The following TMEM131L variants were observed in gnomAD, a reference collection of about 807,000 sequenced individuals.
TMEM131L encodes transmembrane 131 like.
Under a neutral mutation model 192.2 loss-of-function variants are expected in TMEM131L, and 54 were observed. That is an observed-to-expected ratio of 0.28 (90% CI 0.23 to 0.35). The LOEUF (loss-of-function observed/expected upper bound fraction) is 0.35, where lower values mean the gene tolerates loss of function less well. TMEM131L is among the 10% of genes least tolerant of loss of function. The probability of loss-of-function intolerance (pLI) is 1.00; values close to 1 mark genes in which losing one functional copy is unlikely to be tolerated. For missense variants in TMEM131L, 1,888 were observed against 1,972.9 expected, an observed-to-expected ratio of 0.96 and a Z score of 0.82; for synonymous variants, 701 against 704.9, an observed-to-expected ratio of 0.99 and a Z score of 0.09.
chr4:153,510,179 A>G (rs550005581), intron 3 of TMEM131L, among the ~76,000 whole-genome samples: 8 of 152,140 alleles, frequency 5.3e-5, no homozygotes, highest in South Asian at 4.2e-4. Context: ...ATGCTTCCCT[A>G]TCATCTCCAT....
intron 3 of TMEM131L, among the ~76,000 whole-genome samples, chr4:153,512,735 T>C (rs1734442355): frequency 6.6e-6 from 1 of 152,258 alleles, no homozygotes; most frequent in African/African-American, 2.4e-5. Context: ...TGCCTCAGTC[T>C]CCTGAGTAGC....
intron 3 of TMEM131L, among the ~76,000 whole-genome samples, chr4:153,485,523 G>A (rs1732269088): frequency 6.6e-6 from 1 of 152,220 alleles, no homozygotes; most frequent in Non-Finnish European, 1.5e-5. Context: ...GGCCTGCCAA[G>A]TGAACCATGT....
At chr4:153,527,483 C>A (rs1039136785) in intron 3 of TMEM131L, among the ~76,000 whole-genome samples, 1 of 152,116 alleles carries the variant, frequency 6.6e-6, no homozygotes, top group Non-Finnish European at 1.5e-5. Context: ...CCATGTTGCT[C>A]AGGCTGGTCT....
Position 153,588,899 on chromosome 4 carries a change from A to C in TMEM131L, c.1562A>C (p.Asn521Thr). 1.9e-6 allele frequency: 3 copies of C among 1,562,790 alleles called. No homozygotes were observed. Among genetic ancestry groups the C allele is most frequent in the Non-Finnish European group, 2.6e-6 (3 of 1,133,720 alleles). ...CTGATCTAACTTTTAGGAAATCCTA[A>C]TTGGAATGGGAGCCTTTCTCTGGAT... ...FMGKSKAGNP[N>T]WNGSLSLDQS... Residue 521 changes from asparagine (N) to threonine (T), a missense_variant, in exon 16 of 35, where the codon AAT becomes ACT. Asn to Thr is a moderately conservative substitution (Grantham distance 65, BLOSUM62 0). Coordinates refer to ENST00000409959, the MANE Select transcript of TMEM131L (RefSeq NM_001131007.2).
At chr4:153,507,591 G>C (rs76482844) in intron 3 of TMEM131L, among the ~76,000 whole-genome samples, 1 of 152,144 alleles carries the variant, frequency 6.6e-6, no homozygotes, top group Non-Finnish European at 1.5e-5. Context: ...AAACAAAAAC[G>C]TAAGAACCTA....
chr4:153,556,750 A>G (rs1728485857), intron 5 of TMEM131L, among the ~76,000 whole-genome samples: 1 of 152,236 alleles, frequency 6.6e-6, no homozygotes, highest in African/African-American at 2.4e-5. Context: ...TCTGAAGCGA[A>G]AGGATTCATC....
intron 21 of TMEM131L, among the ~76,000 whole-genome samples, 165 bp downstream of exon 21, chr4:153,598,897 G>T (rs762204378): frequency 7.2e-5 from 11 of 152,120 alleles, no homozygotes; most frequent in Non-Finnish European, 1.2e-4. Context: ...GCAAACATTT[G>T]TGCATATATA....
chr4:153,549,959 A>G (rs1737480565), intron 3 of TMEM131L, 114 bp from the exon 4 acceptor site: 2 of 462,540 alleles, frequency 4.3e-6, no homozygotes, highest in African/African-American at 2.0e-5. Context: ...TTTAAAATCT[A>G]TGAGGGAGTA....
intron 3 of TMEM131L, among the ~76,000 whole-genome samples, chr4:153,507,608 C>G (rs769837183): frequency 6.6e-6 from 1 of 152,146 alleles, no homozygotes; most frequent in African/African-American, 2.4e-5. Flanking sequence ...CCTATCAAAC[C>G]GTATTACCCA....
At chr4:153,612,476 CAT>C in intron 26 of TMEM131L, 76 bp downstream of exon 26, 1 of 1,123,940 alleles carries the variant, frequency 8.9e-7, no homozygotes, top group Non-Finnish European at 1.2e-6. Flanking sequence ...ATGTGTATTT[CAT>C]ATGTTTCACT....
rs1206267225 is a variant in TMEM131L at position 153,582,423 on chromosome 4, TTTTTTTGTTG to T, written c.893-760_893-751del. Among the ~76,000 whole-genome samples, 1,238 of 130,554 alleles carry T rather than the reference TTTTTTTGTTG, an allele frequency of 9.5e-3. 215 individuals are homozygous for T. The highest frequency in any genetic ancestry group is 0.047 in the African/African-American group (1,172 of 24,890). The allele number at this position is 130,554 out of a possible 152,430, so 85.6% of individuals were successfully genotyped here. On this transcript the variant is annotated intron_variant, in intron 9 of 34. Transcript: ENST00000409959. Reference sequence around the variant, plus strand: ...CTATGCCTGGCTAATTTAAACCGTTTTTTTTTGTTGTTTTTTTTTTTTTTTTTTTTTTTTT... The same window carrying T: ...CTATGCCTGGCTAATTTAAACCGTTTTTTTTTTTTTTTTTTTTTTTTTTTT...
chr4:153,477,196 G>T (rs1731602932), intron 3 of TMEM131L, among the ~76,000 whole-genome samples: 1 of 152,182 alleles, frequency 6.6e-6, no homozygotes, highest in Non-Finnish European at 1.5e-5. Context: ...TGGAGAGATG[G>T]TGATGACTGT....
At chr4:153,537,334 A>G (rs1417454475) in intron 3 of TMEM131L, among the ~76,000 whole-genome samples, 1 of 152,170 alleles carries the variant, frequency 6.6e-6, no homozygotes, top group Non-Finnish European at 1.5e-5. Context: ...AGAGTTCTTG[A>G]ATCTCACACA....
rs779705832 is a variant in TMEM131L, at chr4:153,550,118, A to G, written c.285A>G (p.Pro95=). ...LFSGKGLHFQ[P]SVLDFGIQFL... ...GTGGAAAAGGCTTACATTTTCAGCC[A>G]TCAGTTTTAGATTTTGGAATACAGT... is the stretch of plus-strand genomic sequence containing the variant. Residue 95 remains proline, a synonymous_variant, in exon 4 of 35, where the codon CCA becomes CCG. Coordinates refer to ENST00000409959, the MANE Select transcript of TMEM131L (RefSeq NM_001131007.2). The G allele has an allele frequency of 1.1e-5, 17 of 1,483,566 alleles. No individual in the cohort carries two copies. Among genetic ancestry groups the G allele is most frequent in the Admixed American group, 4.4e-5 (2 of 45,604 alleles). The allele number at this position is 1,483,566 out of a possible 1,614,324, so 91.9% of individuals were successfully genotyped here. A position where few individuals can be genotyped will look rare whatever the true frequency, so the allele number is the denominator to read the frequency against.
intron 3 of TMEM131L, among the ~76,000 whole-genome samples, chr4:153,542,585 T>A (rs993597717): frequency 2.6e-5 from 4 of 152,172 alleles, no homozygotes; most frequent in Non-Finnish European, 4.4e-5. Flanking sequence ...CCACATAGGG[T>A]TCTTAGGATT....
intron 3 of TMEM131L, among the ~76,000 whole-genome samples, chr4:153,507,524 C>T (rs1476896942): frequency 6.6e-6 from 1 of 152,176 alleles, no homozygotes; most frequent in East Asian, 1.9e-4. Context: ...ATCGTGTTCA[C>T]ATTTGTATTA....
chr4:153,545,118 T>C (rs1466154396), intron 3 of TMEM131L, among the ~76,000 whole-genome samples: 2 of 152,176 alleles, frequency 1.3e-5, no homozygotes, highest in Non-Finnish European at 2.9e-5. Flanking sequence ...ATAAGAAATC[T>C]GGGCATCTAC....
At chr4:153,594,070 A>C (rs1731259400) in intron 19 of TMEM131L, among the ~76,000 whole-genome samples, 199 bp downstream of exon 19, 1 of 152,214 alleles carries the variant, frequency 6.6e-6, no homozygotes, top group African/African-American at 2.4e-5. Flanking sequence ...GTTAGCTCTA[A>C]ATCATTTTAA....
intron 3 of TMEM131L, among the ~76,000 whole-genome samples, chr4:153,526,244 G>A (rs1421113727): frequency 2.0e-5 from 3 of 152,188 alleles, no homozygotes; most frequent in African/African-American, 7.2e-5. Flanking sequence ...CATAAAGTTT[G>A]TGTAGGCCAC....
Sources: allele counts gnomAD v4.1 joint callset (sites outside exome capture counted in the v4.1 genomes callset), GRCh38; gene constraint gnomAD v4.1.1; transcripts MANE v1.5; gene names NCBI Gene and HGNC (gene_info 2026-07-23, HGNC 2026-07-21).